The following ARRB1 variants were observed in gnomAD, a reference collection of about 807,000 sequenced individuals.
The protein encoded by ARRB1 is beta-arrestin-1.
In ARRB1, 21 loss-of-function variants were observed where a neutral mutation model predicts 56.8. That is an observed-to-expected ratio of 0.37 (90% CI 0.26 to 0.53). The LOEUF (loss-of-function observed/expected upper bound fraction) is 0.53. ARRB1 is among the 20% of genes least tolerant of loss of function. ARRB1 has a pLI of 0.88. For synonymous variants in ARRB1, 210 were observed against 218.6 expected, an observed-to-expected ratio of 0.96 and a Z score of 0.35; for missense variants, 424 against 553.7, an observed-to-expected ratio of 0.77 and a Z score of 2.35.
rs1402032436 is a variant in ARRB1, at chr11:75,277,246, G to A, written c.703+118C>T. On this transcript the variant is annotated intron_variant, in intron 9 of 15. Transcript: ENST00000420843. ...GCCCTGTGGCTCAGAGCAGGCCCTG[G>A]GCTTCAGTGGCTATTTTTTATACAA... The A allele has an allele frequency of 3.7e-6, 4 of 1,076,608 alleles. No individual in the cohort carries two copies. The African/African-American group carries it at 6.3e-5, about 17-fold the overall frequency. The allele number at this position is 1,076,608 out of a possible 1,614,324, so 66.7% of individuals were successfully genotyped here.
intron 8 of ARRB1, among the ~76,000 whole-genome samples, chr11:75,277,785 A>G (rs2140415607): frequency 6.6e-6 from 1 of 152,338 alleles, no homozygotes; most frequent in African/African-American, 2.4e-5. Flanking sequence ...AGATAACGGA[A>G]TTGGAAGGTG....
At chr11:75,333,612 T>A (rs559908330) in intron 1 of ARRB1, among the ~76,000 whole-genome samples, 1 of 152,290 alleles carries the variant, frequency 6.6e-6, no homozygotes, top group East Asian at 1.9e-4. Context: ...CCATGCATTA[T>A]CTCATTTAAG....
intron 8 of ARRB1, among the ~76,000 whole-genome samples, chr11:75,278,066 G>A (rs1173458125): frequency 6.6e-6 from 1 of 152,214 alleles, no homozygotes; most frequent in Non-Finnish European, 1.5e-5. Context: ...CCTACAAAAA[G>A]ACCTCAACTT....
chr11:75,294,582 T>C (rs1946682785), intron 1 of ARRB1, among the ~76,000 whole-genome samples: 1 of 100,356 alleles, frequency 1.0e-5, no homozygotes, highest in Admixed American at 1.2e-4. Context: ...AATAAATAAA[T>C]AAATAAATAA....
chr11:75,294,456 C>T (rs1050383898), intron 1 of ARRB1, among the ~76,000 whole-genome samples: 7 of 152,002 alleles, frequency 4.6e-5, no homozygotes, highest in African/African-American at 1.7e-4. Context: ...ATTCGGGAGG[C>T]TGAGGCAGAA....
chr11:75,340,567 G>T (rs372092042), intron 1 of ARRB1, among the ~76,000 whole-genome samples: 1 of 152,222 alleles, frequency 6.6e-6, no homozygotes, highest in South Asian at 2.1e-4. Flanking sequence ...GGGGCTGGGG[G>T]TCTTTCTTCT....
chr11:75,344,854 C>G (rs1414446063), intron 1 of ARRB1, among the ~76,000 whole-genome samples: 1 of 152,186 alleles, frequency 6.6e-6, no homozygotes, highest in Non-Finnish European at 1.5e-5. Context: ...TGTGGCCGCA[C>G]AAGGACCAAG....
chr11:75,281,856 C>G, intron 6 of ARRB1, 106 bp downstream of exon 6: 1 of 1,183,340 alleles, frequency 8.5e-7, no homozygotes, highest in South Asian at 1.4e-5. Context: ...GACTGTTCAA[C>G]AGGGAGAGTG....
chr11:75,271,516 A>G, intron 13 of ARRB1, 185 bp downstream of exon 13: 2 of 586,494 alleles, frequency 3.4e-6, no homozygotes, highest in Non-Finnish European at 5.9e-6. Context: ...CTCAGGTGGG[A>G]TGGAAGAGCA....
intron 1 of ARRB1, among the ~76,000 whole-genome samples, chr11:75,343,642 G>A (rs1023483476): frequency 1.3e-5 from 2 of 152,132 alleles, no homozygotes; most frequent in African/African-American, 2.4e-5. Flanking sequence ...GCTGGTAAGT[G>A]TCAGAGCTGG....
intron 1 of ARRB1, among the ~76,000 whole-genome samples, chr11:75,306,303 C>G (rs1324610980): frequency 6.6e-6 from 1 of 152,148 alleles, no homozygotes; most frequent in African/African-American, 2.4e-5. Flanking sequence ...GCCAGACCCT[C>G]TCTGACCCCC....
intron 1 of ARRB1, among the ~76,000 whole-genome samples, chr11:75,335,918 C>G (rs1237882211): frequency 6.6e-6 from 1 of 152,242 alleles, no homozygotes; most frequent in African/African-American, 2.4e-5. Context: ...GGGGACAAAA[C>G]ATGAGACTTG....
At chr11:75,342,537 G>C (rs1026977444) in intron 1 of ARRB1, among the ~76,000 whole-genome samples, 3 of 152,150 alleles carry the variant, frequency 2.0e-5, no homozygotes, top group African/African-American at 7.2e-5. Context: ...TTGATCACCG[G>C]TGGGTCATCG....
chr11:75,283,414 C>A lies in ARRB1; in HGVS notation c.227G>T (p.Arg76Leu), dbSNP rs148019407. Residue 76 changes from arginine (R) to leucine (L), a missense_variant, in exon 5 of 16, where the codon CGC becomes CTC. Physicochemically the swap from Arg to Leu is moderately radical, Grantham distance 102 (BLOSUM62 -2). Around this residue, in one of 3 missense-constraint regions of ARRB1, gnomAD observed 301 missense variants for 387.9 expected, o/e 0.78. Transcript: ENST00000420843. ...EDLDVLGLTF[R>L]KDLFVANVQS... ...TACGTTGGCCACAAACAGGTCCTTG[C>A]GAAAGGTCAGGCCCAGGACATCCAG... The A allele has an allele frequency of 1.9e-6, 3 of 1,613,994 alleles. No homozygotes were observed. Among genetic ancestry groups the A allele is most frequent in the East Asian group, 2.2e-5 (1 of 44,890 alleles).
At chr11:75,312,962 T>A (rs1015795954) in intron 1 of ARRB1, among the ~76,000 whole-genome samples, 2 of 152,216 alleles carry the variant, frequency 1.3e-5, no homozygotes, top group Non-Finnish European at 2.9e-5. Flanking sequence ...AGCCACTAAA[T>A]ATATGGTAAT....
chr11:75,330,340 T>C (rs888850235), intron 1 of ARRB1, among the ~76,000 whole-genome samples: 21 of 152,224 alleles, frequency 1.4e-4, no homozygotes, highest in Admixed American at 3.9e-4. Flanking sequence ...GAAAAGCTGT[T>C]GAAGGAAAGC....
chr11:75,281,208 C>T (rs1946328650), intron 6 of ARRB1, 66 bp from the exon 7 acceptor site: 1 of 1,457,568 alleles, frequency 6.9e-7, no homozygotes, highest in African/African-American at 1.4e-5. Context: ...ACAGCCAGCC[C>T]ACCTCTCATT....
In ARRB1 at chr11:75,277,397, T is replaced by A; in HGVS notation, c.670A>T (p.Thr224Ser). ...ISVNVHVTNN[T>S]NKTVKKIKIS... is the part of the protein sequence containing the mutation. The stretch of plus-strand genomic sequence containing the variant: ...TTGATCTTCTTCACCGTCTTGTTGG[T>A]GTTGTTGGTGACGTGGACGTTGACG... Residue 224 changes from threonine (T) to serine (S), a missense_variant, in exon 9 of 16, where the codon ACC becomes TCC. Physicochemically the swap from Thr to Ser is moderately conservative, Grantham distance 58. Coordinates refer to ENST00000420843, the MANE Select transcript of ARRB1 (RefSeq NM_004041.5). The A allele has an allele frequency of 6.2e-7, 1 of 1,614,108 alleles. No individual in the cohort carries two copies. Among genetic ancestry groups the A allele is most frequent in the East Asian group, 2.2e-5 (1 of 44,872 alleles).
At chr11:75,337,187 AC>A (rs1947618621) in intron 1 of ARRB1, among the ~76,000 whole-genome samples, 1 of 152,140 alleles carries the variant, frequency 6.6e-6, no homozygotes, top group Non-Finnish European at 1.5e-5. Flanking sequence ...ACAGTGGCTC[AC>A]ACCTATAATC....
Sources: gnomAD v4.1 joint callset for allele counts (sites outside exome capture counted in the v4.1 genomes callset) on GRCh38, gnomAD v4.1.1 for gene constraint, gnomAD v4.1.1 regional missense constraint, MANE v1.5 for transcripts, NCBI Gene and HGNC (gene_info 2026-07-23, HGNC 2026-07-21) for gene names.